UBASH3B: variants seen among roughly 807,000 people sequenced by gnomAD.
UBASH3B encodes ubiquitin associated and SH3 domain containing B, also known as ubiquitin-associated and SH3 domain-containing protein B.
Under a neutral mutation model 83.4 loss-of-function variants are expected in UBASH3B, and 37 were observed. That is an observed-to-expected ratio of 0.44 (90% CI 0.34 to 0.58). The LOEUF (loss-of-function observed/expected upper bound fraction) is 0.58, where lower values mean the gene tolerates loss of function less well. Among genes scored for constraint, UBASH3B ranks in the 20% least tolerant of loss-of-function variants. UBASH3B has a pLI of 0.01. For missense variants in UBASH3B, 657 were observed against 827.2 expected (o/e 0.79, Z 2.52); for synonymous variants, 304 against 318.3 (o/e 0.96, Z 0.48).
chr11:122,697,808 G>C (rs2135925516), intron 1 of UBASH3B, among the ~76,000 whole-genome samples: 1 of 152,296 alleles, frequency 6.6e-6, no homozygotes, highest in South Asian at 2.1e-4. Context: ...CAGCAACTTA[G>C]AATAAAGAAA....
chr11:122,710,850 C>T (rs1864181816), intron 1 of UBASH3B, among the ~76,000 whole-genome samples: 1 of 148,230 alleles, frequency 6.7e-6, no homozygotes, highest in Non-Finnish European at 1.5e-5. Flanking sequence ...AGGCTTTGTC[C>T]TGGGGGCAGG....
intron 1 of UBASH3B, among the ~76,000 whole-genome samples, chr11:122,738,819 G>A (rs1359339802): frequency 1.3e-5 from 2 of 150,420 alleles, no homozygotes; most frequent in African/African-American, 4.9e-5. Context: ...CTCAGGAGGA[G>A]GAGGTTGTGG....
At position 122,713,199 on chromosome 11, in the gene UBASH3B, A is replaced by C. The variant is rs181219786; in HGVS notation, c.161+56989A>C. 2.6e-3 allele frequency among the ~76,000 whole-genome samples: 392 copies of C among 152,056 alleles called. 2 individuals are homozygous for C. Among genetic ancestry groups the C allele is most frequent in the African/African-American group, 9.1e-3 (377 of 41,488 alleles). ...TGGGATTACAGGCGTGAGCCACTGC[A>C]CCCGGCCCAGTGTTCCTCATTTTCA... On this transcript the variant is annotated intron_variant, in intron 1 of 13. Coordinates refer to ENST00000284273, the MANE Select transcript of UBASH3B (RefSeq NM_032873.5).
chr11:122,809,571 C>G (rs910843645), intron 13 of UBASH3B, among the ~76,000 whole-genome samples, 178 bp from the exon 14 acceptor site: 1 of 152,164 alleles, frequency 6.6e-6, no homozygotes, highest in Admixed American at 6.5e-5. Context: ...TTCTAAGTTA[C>G]CAGTTTTACC....
intron 1 of UBASH3B, among the ~76,000 whole-genome samples, chr11:122,669,158 C>T (rs1206891034): frequency 2.0e-5 from 3 of 152,206 alleles, no homozygotes; most frequent in African/African-American, 7.2e-5. Context: ...CTTACAACAA[C>T]ACACATGCAT....
intron 1 of UBASH3B, among the ~76,000 whole-genome samples, chr11:122,760,423 C>T (rs1861351282): frequency 6.6e-6 from 1 of 151,856 alleles, no homozygotes; most frequent in South Asian, 2.1e-4. Flanking sequence ...TGCAGTGGCT[C>T]AACCTTGGCT....
chr11:122,675,210 T>C (rs946619959), intron 1 of UBASH3B, among the ~76,000 whole-genome samples: 2 of 152,226 alleles, frequency 1.3e-5, no homozygotes, highest in African/African-American at 4.8e-5. Flanking sequence ...TGTTCCTGGA[T>C]CACAGCTTTA....
Position 122,725,342 on chromosome 11 carries a change from A to AAAAAAAAAAAAAAAAAG in UBASH3B, c.162-50875_162-50874insAAAAAAAAAAAAAAGAA, listed in dbSNP as rs71281633. Reference sequence around the variant, plus strand: ...AGCACCATAAACAAAAAAAAAAAAAAAAGAAAAGAAAAGAAACAAACTCAA... The same window carrying AAAAAAAAAAAAAAAAAG: ...AGCACCATAAACAAAAAAAAAAAAAAAAAAAAAAAAAAAAAAGAAGAAAAGAAAAGAAACAAACTCAA... On this transcript the variant is annotated intron_variant, in intron 1 of 13. Coordinates refer to ENST00000284273, the MANE Select transcript of UBASH3B (RefSeq NM_032873.5). 4.9e-4 allele frequency among the ~76,000 whole-genome samples: 64 copies of AAAAAAAAAAAAAAAAAG among 130,796 alleles called. 2 individuals are homozygous for AAAAAAAAAAAAAAAAAG. Among genetic ancestry groups the AAAAAAAAAAAAAAAAAG allele is most frequent in the South Asian group, 9.6e-4 (4 of 4,156 alleles). The allele number at this position is 130,796 out of a possible 152,430, so 85.8% of individuals were successfully genotyped here. A position where few individuals can be genotyped will look rare whatever the true frequency, so the allele number is the denominator to read the frequency against.
At chr11:122,734,161 C>T (rs1226557466) in intron 1 of UBASH3B, among the ~76,000 whole-genome samples, 1 of 152,198 alleles carries the variant, frequency 6.6e-6, no homozygotes, top group Non-Finnish European at 1.5e-5. Flanking sequence ...GCTGGGATTA[C>T]AGGCTTGAGC....
intron 1 of UBASH3B, 33 bp downstream of exon 1, chr11:122,656,243 C>T: frequency 7.3e-7 from 1 of 1,375,342 alleles, no homozygotes; most frequent in Non-Finnish European, 9.5e-7. Context: ...CTCGGCGACC[C>T]CTCCCGCGCG....
intron 1 of UBASH3B, among the ~76,000 whole-genome samples, chr11:122,730,763 T>C (rs1205981932): frequency 6.6e-6 from 1 of 152,016 alleles, no homozygotes. Context: ...GCCCGGCTCA[T>C]TTTGTATTTT....
At chr11:122,757,745 C>G (rs573908197) in intron 1 of UBASH3B, among the ~76,000 whole-genome samples, 1 of 131,786 alleles carries the variant, frequency 7.6e-6, no homozygotes, top group Non-Finnish European at 1.5e-5. Flanking sequence ...GACAGAGTCT[C>G]ACTCTGTCGC....
chr11:122,779,821 ACGTGT>A, intron 4 of UBASH3B, 126 bp downstream of exon 4: 1 of 1,141,760 alleles, frequency 8.8e-7, no homozygotes, highest in Non-Finnish European at 1.2e-6. Flanking sequence ...GCAGGAATGG[ACGTGT>A]GACAAAAAAA....
At chr11:122,704,859 C>T (rs547566642) in intron 1 of UBASH3B, among the ~76,000 whole-genome samples, 2 of 151,846 alleles carry the variant, frequency 1.3e-5, no homozygotes, top group South Asian at 2.1e-4. Flanking sequence ...CTTTAAGGGC[C>T]GCACTTTCTC....
At position 122,797,042 on chromosome 11, in the gene UBASH3B, C is replaced by A; in HGVS notation, c.1357+9C>A. The A allele has an allele frequency of 6.3e-7, 1 of 1,589,358 alleles. No individual in the cohort carries two copies. Among genetic ancestry groups the A allele is most frequent in the South Asian group, 1.1e-5 (1 of 87,782 alleles). The stretch of plus-strand genomic sequence containing the variant: ...GCAAGCAAGACTAGTGGGTAAGTAT[C>A]CTGGAGTGACTGCACTCCAGGCATT... On this transcript the variant is annotated intron_variant, in intron 9 of 13. Transcript: ENST00000284273.
At chr11:122,757,123 T>C (rs1395360751) in intron 1 of UBASH3B, among the ~76,000 whole-genome samples, 1 of 152,250 alleles carries the variant, frequency 6.6e-6, no homozygotes. Context: ...CACATGCACT[T>C]ACTGTCACAC....
At position 122,758,663 on chromosome 11, in the gene UBASH3B, G is replaced by A. The variant is rs964400611; in HGVS notation, c.162-17556G>A. 4.6e-5 allele frequency among the ~76,000 whole-genome samples: 7 copies of A among 152,122 alleles called. No individual in the cohort carries two copies. Among genetic ancestry groups the A allele is most frequent in the African/African-American group, 1.4e-4 (6 of 41,422 alleles). On this transcript the variant is annotated intron_variant, in intron 1 of 13. Transcript: ENST00000284273. This position sits in a 1 kb window ranked among gnomAD's most constrained non-coding sequence, Gnocchi z 4.2. ...GAGATTAGATGGGTTAGGTCTGTGC[G>A]ATTATAAGTAGATGCACCTGCCACT...
At chr11:122,715,771 G>A (rs779914818) in intron 1 of UBASH3B, among the ~76,000 whole-genome samples, 2 of 152,174 alleles carry the variant, frequency 1.3e-5, no homozygotes, top group African/African-American at 4.8e-5. Flanking sequence ...ACAACATATG[G>A]CTTCCCAGCC....
rs78829446 is a variant in UBASH3B at position 122,716,660 on chromosome 11, G to T, written c.162-59559G>T. On this transcript the variant is annotated intron_variant, in intron 1 of 13. Coordinates refer to ENST00000284273, the MANE Select transcript of UBASH3B (RefSeq NM_032873.5). ...TTGCTCAGAGCTTTCAGTCTGCCCC[G>T]CTCTGTAAGGAGGTTTGGGTTGCAG... is the stretch of plus-strand genomic sequence containing the variant. Among the ~76,000 whole-genome samples the T allele has an allele frequency of 4.6e-3, 706 of 152,260 alleles. 4 individuals are homozygous for T. The highest frequency in any genetic ancestry group is 0.016 in the African/African-American group (649 of 41,550).
Sources: allele counts gnomAD v4.1 joint callset (sites outside exome capture counted in the v4.1 genomes callset), GRCh38; gene constraint gnomAD v4.1.1; non-coding constraint Gnocchi (gnomAD v3.1); transcripts MANE v1.5; gene names NCBI Gene and HGNC (gene_info 2026-07-23, HGNC 2026-07-21).